Variants in DAAM1 observed in about 807,000 individuals in gnomAD.
The protein encoded by DAAM1 is dishevelled associated activator of morphogenesis 1, also known as disheveled-associated activator of morphogenesis 1.
In DAAM1, 52 loss-of-function variants were observed where a neutral mutation model predicts 130.0. The ratio of observed to expected loss-of-function variants is 0.40; its 90% CI spans 0.32 to 0.50. The LOEUF is 0.50. Ranked by LOEUF, DAAM1 falls within the 20% of genes least tolerant of loss-of-function variation. The pLI is 0.61. For missense variants in DAAM1, 1,134 were observed against 1,303.8 expected (o/e 0.87, Z 2.01); for synonymous variants, 452 against 444.5 (o/e 1.02, Z -0.21).
chr14:59,360,935 T>TG, intron 22 of DAAM1, 73 bp downstream of exon 22: 1 of 1,335,732 alleles, frequency 7.5e-7, no homozygotes, highest in Non-Finnish European at 1.1e-6. Context: ...TTTCAGCAGA[T>TG]GGGTTGTGTT....
chr14:59,354,468 G>T (rs571011802), intron 19 of DAAM1, among the ~76,000 whole-genome samples: 8 of 152,296 alleles, frequency 5.3e-5, no homozygotes, highest in African/African-American at 1.9e-4. Flanking sequence ...GGAGCTCACA[G>T]CACGCCTCCT....
At chr14:59,325,351 T>G (rs966413976) in intron 8 of DAAM1, among the ~76,000 whole-genome samples, 6 of 152,232 alleles carry the variant, frequency 3.9e-5, no homozygotes, top group African/African-American at 1.4e-4. Context: ...TATGGGCATG[T>G]TTTTCCATAA....
chr14:59,250,441 T>C (rs1169070867), intron 1 of DAAM1, among the ~76,000 whole-genome samples: 1 of 152,236 alleles, frequency 6.6e-6, no homozygotes, highest in Non-Finnish European at 1.5e-5. Context: ...TGAAACCGTC[T>C]GCATTTATGG....
At chr14:59,271,855 A>C (rs1300599661) in intron 2 of DAAM1, among the ~76,000 whole-genome samples, 1 of 152,188 alleles carries the variant, frequency 6.6e-6, no homozygotes, top group Non-Finnish European at 1.5e-5. Context: ...TTGCCTTATA[A>C]GTGAAGACCG....
chr14:59,306,788 A>G (rs1412555114), intron 3 of DAAM1, among the ~76,000 whole-genome samples: 2 of 152,060 alleles, frequency 1.3e-5, no homozygotes, highest in East Asian at 3.8e-4. Context: ...CTCCCTTCCA[A>G]GGGAGGTGGA....
chr14:59,275,989 G>T (rs1882948801), intron 2 of DAAM1, among the ~76,000 whole-genome samples: 2 of 152,018 alleles, frequency 1.3e-5, no homozygotes, highest in Non-Finnish European at 2.9e-5. Context: ...TCCCTTTTAG[G>T]GCTTAAAGCT....
intron 1 of DAAM1, among the ~76,000 whole-genome samples, chr14:59,199,971 T>C (rs1888048653): frequency 6.6e-6 from 1 of 152,220 alleles, no homozygotes; most frequent in Non-Finnish European, 1.5e-5. Flanking sequence ...CTGAAGACTT[T>C]AATCATTGAA....
rs1887069490 is a variant in DAAM1 at position 59,369,629 on chromosome 14, T to C, written c.*770T>C. On this transcript the variant is annotated 3_prime_UTR_variant, in exon 25 of 25. Transcript: ENST00000360909. ...ACACTATATAAATGCAATCCATGCT[T>C]TTTTTAAAGAACAACATTGCCAGAG... 1 of 62,720 alleles carries C rather than the reference T, an allele frequency of 1.6e-5. No individual in the cohort carries two copies. The highest frequency in any genetic ancestry group is 3.3e-5 in the African/African-American group (1 of 30,658). The allele number at this position is 62,720 out of a possible 1,614,324, so 3.9% of individuals were successfully genotyped here.
At chr14:59,352,721 A>G (rs1886333802) in intron 18 of DAAM1, 89 bp downstream of exon 18, 3 of 1,138,388 alleles carry the variant, frequency 2.6e-6, no homozygotes, top group Non-Finnish European at 3.8e-6. Flanking sequence ...GTTTGGGCCA[A>G]TTAACCTGGC....
chr14:59,208,577 T>A (rs1412753447), intron 1 of DAAM1, among the ~76,000 whole-genome samples: 1 of 152,204 alleles, frequency 6.6e-6, no homozygotes, highest in African/African-American at 2.4e-5. Flanking sequence ...TTTCATGTCC[T>A]CTGCTTTGCC....
intron 1 of DAAM1, among the ~76,000 whole-genome samples, chr14:59,211,262 G>T (rs1225916297): frequency 2.6e-5 from 4 of 152,180 alleles, no homozygotes; most frequent in Non-Finnish European, 5.9e-5. Context: ...CTTTAGAGAA[G>T]ACATACTGAG....
At chr14:59,339,110 C>T (rs1311339159) in intron 15 of DAAM1, among the ~76,000 whole-genome samples, 1 of 152,142 alleles carries the variant, frequency 6.6e-6, no homozygotes, top group African/African-American at 2.4e-5. Flanking sequence ...CTTAAACAGA[C>T]TTTAGAGGTA....
chr14:59,250,498 A>G (rs146232198), intron 1 of DAAM1, among the ~76,000 whole-genome samples: 6 of 152,344 alleles, frequency 3.9e-5, no homozygotes, highest in Non-Finnish European at 5.9e-5. Flanking sequence ...ATTTTAAATG[A>G]AAGAGGCAAT....
chr14:59,239,474 G>A (rs933522510), intron 1 of DAAM1, among the ~76,000 whole-genome samples: 5 of 152,092 alleles, frequency 3.3e-5, no homozygotes, highest in South Asian at 2.1e-4. Flanking sequence ...TATTCACCAC[G>A]CTCTTACCTA....
At chr14:59,298,098 T>A (rs541862617) in intron 3 of DAAM1, among the ~76,000 whole-genome samples, 6 of 152,170 alleles carry the variant, frequency 3.9e-5, no homozygotes, top group African/African-American at 1.4e-4. Context: ...AAAAATAAAA[T>A]TGTTCTGTTT....
intron 20 of DAAM1, 89 bp downstream of exon 20, chr14:59,355,422 T>A: frequency 6.8e-7 from 1 of 1,463,140 alleles, no homozygotes; most frequent in Admixed American, 2.2e-5. Context: ...TCAGCCTTCA[T>A]GACACTGCAT....
At chr14:59,352,248 G>T (rs577029881) in intron 17 of DAAM1, among the ~76,000 whole-genome samples, 11 of 152,288 alleles carry the variant, frequency 7.2e-5, no homozygotes, top group African/African-American at 2.6e-4. Context: ...CTAGTGGTCT[G>T]TGAAAAAGAG....
intron 1 of DAAM1, among the ~76,000 whole-genome samples, chr14:59,232,633 C>CTTT (rs199972715): frequency 1.4e-5 from 2 of 146,694 alleles, no homozygotes; most frequent in Non-Finnish European, 3.0e-5. Flanking sequence ...AAAATTTTCT[C>CTTT]TTTTTTTTTT....
intron 1 of DAAM1, among the ~76,000 whole-genome samples, chr14:59,237,581 C>T (rs1270372932): frequency 6.6e-6 from 1 of 152,134 alleles, no homozygotes; most frequent in Non-Finnish European, 1.5e-5. Context: ...AGAATAAACT[C>T]AAGGATATTT....
Sources: gnomAD v4.1 joint callset for allele counts (sites outside exome capture counted in the v4.1 genomes callset) on GRCh38, gnomAD v4.1.1 for gene constraint, MANE v1.5 for transcripts, NCBI Gene and HGNC (gene_info 2026-07-23, HGNC 2026-07-21) for gene names.